Variants in GSE1 observed in about 807,000 individuals in gnomAD.
The protein encoded by GSE1 is genetic suppressor element 1.
A neutral mutation model predicts 112.6 loss-of-function variants in GSE1; 32 were observed. The observed-to-expected ratio is 0.28, with a 90% CI of 0.21 to 0.38. GSE1 has a LOEUF of 0.38. GSE1 is among the 10% of genes least tolerant of loss of function. GSE1 has a pLI of 1.00. For missense variants in GSE1, 2,348 were observed against 1,699.2 expected (o/e 1.38, Z -6.71); for synonymous variants, 1,115 against 735.6 (o/e 1.52, Z -8.35).
At chr16:85,171,819 T>C in intron 1 of GSE1, 3 of 983,656 alleles carry the variant, frequency 3.0e-6, no homozygotes, top group Non-Finnish European at 3.6e-6. Flanking sequence ...TAAGCAGCAG[T>C]TTTCATCTCA....
chr16:85,330,057 C>T (rs1055168431), intron 1 of GSE1, among the ~76,000 whole-genome samples: 11 of 152,078 alleles, frequency 7.2e-5, no homozygotes, highest in East Asian at 3.9e-4. Flanking sequence ...CCGAGGTGCA[C>T]GTGTTCTTCC....
chr16:85,409,679 C>CT lies in GSE1; in HGVS notation c.2464+52036_2464+52037insT, dbSNP rs1257481245. Among the ~76,000 whole-genome samples the CT allele has an allele frequency of 4.7e-4, 2 of 4,290 alleles. 1 individual carries two copies. Among genetic ancestry groups the CT allele is most frequent in the Admixed American group, 0.011 (2 of 176 alleles). The allele number at this position is 4,290 out of a possible 152,430, so 2.8% of individuals were successfully genotyped here. The stretch of plus-strand genomic sequence containing the variant: ...CCTCACCGTTACACTCAGGGCCCCC[C>CT]GGATAATCCTCACCGTTACACTCAG... On this transcript the variant is annotated intron_variant, in intron 2 of 2. Transcript: ENST00000637419.
chr16:85,669,841 C>G (rs576694748), intron 14 of GSE1, among the ~76,000 whole-genome samples: 1 of 152,332 alleles, frequency 6.6e-6, no homozygotes, highest in South Asian at 2.1e-4. Context: ...GTGTGGGGTG[C>G]CCTCTTCCCT....
chr16:85,436,253 G>T (rs957215591), intron 2 of GSE1, among the ~76,000 whole-genome samples: 2 of 152,212 alleles, frequency 1.3e-5, no homozygotes, highest in African/African-American at 4.8e-5. Flanking sequence ...GCCCGTGAAG[G>T]TATCAGAGCG....
intron 1 of GSE1, among the ~76,000 whole-genome samples, chr16:85,174,530 C>T (rs1195164141): frequency 2.6e-5 from 4 of 152,224 alleles, no homozygotes; most frequent in African/African-American, 9.6e-5. Context: ...GTCCTCCCTC[C>T]CCCTCCTTCC....
At chr16:85,331,661 ATGTGTGTG>A (rs1159802556) in intron 1 of GSE1, among the ~76,000 whole-genome samples, 1 of 85,344 alleles carries the variant, frequency 1.2e-5, no homozygotes, top group African/African-American at 4.7e-5. Flanking sequence ...ATATGTGTAT[ATGTGTGTG>A]TGTGTGTGTG....
chr16:85,248,327 C>T (rs1437094673), intron 1 of GSE1, among the ~76,000 whole-genome samples: 1 of 152,132 alleles, frequency 6.6e-6, no homozygotes, highest in Non-Finnish European at 1.5e-5. Flanking sequence ...CTTCTGTGTC[C>T]TGTGCTGCCA....
At chr16:85,545,637 A>G (rs1376728160) in intron 2 of GSE1, among the ~76,000 whole-genome samples, 1 of 152,234 alleles carries the variant, frequency 6.6e-6, no homozygotes. Flanking sequence ...TGGAGATAAT[A>G]ATAGACTTGC....
At chr16:85,417,636 T>A (rs1345722600) in intron 2 of GSE1, among the ~76,000 whole-genome samples, 1 of 152,200 alleles carries the variant, frequency 6.6e-6, no homozygotes, top group Non-Finnish European at 1.5e-5. Flanking sequence ...CTGCCAGATG[T>A]CCCTGGGTAT....
chr16:85,375,366 G>A (rs1480971318), intron 2 of GSE1, among the ~76,000 whole-genome samples: 1 of 152,188 alleles, frequency 6.6e-6, no homozygotes, highest in Non-Finnish European at 1.5e-5. Context: ...CAGATGAGCA[G>A]GACCGCAGCC....
At chr16:85,466,811 G>A (rs1597840989) in intron 2 of GSE1, among the ~76,000 whole-genome samples, 1 of 152,204 alleles carries the variant, frequency 6.6e-6, no homozygotes, top group African/African-American at 2.4e-5. Flanking sequence ...TGTAATCCCA[G>A]CACTTTGGGA....
intron 1 of GSE1, among the ~76,000 whole-genome samples, chr16:85,321,113 C>T (rs2046098351): frequency 6.6e-6 from 1 of 152,202 alleles, no homozygotes; most frequent in Admixed American, 6.5e-5. Context: ...GTCTGTGACA[C>T]CTCCAGGCAA....
intron 1 of GSE1, among the ~76,000 whole-genome samples, chr16:85,584,512 G>T (rs1457510558): frequency 6.6e-6 from 1 of 152,214 alleles, no homozygotes; most frequent in Non-Finnish European, 1.5e-5. Flanking sequence ...AGGTTTGGGA[G>T]ATCCAGGATG....
chr16:85,369,214 C>G (rs973489544), intron 2 of GSE1, among the ~76,000 whole-genome samples: 1 of 110,336 alleles, frequency 9.1e-6, no homozygotes, highest in East Asian at 3.0e-4. Context: ...ATTCTGACCT[C>G]TTGCTGCTGC....
chr16:85,423,620 C>T (rs547003994), intron 2 of GSE1, among the ~76,000 whole-genome samples: 31 of 146,298 alleles, frequency 2.1e-4, no homozygotes, highest in Non-Finnish European at 3.2e-4. Context: ...AAAGAGAATG[C>T]GCAGTGGGGT....
At chr16:85,440,957 G>T (rs2049361731) in intron 2 of GSE1, among the ~76,000 whole-genome samples, 1 of 152,194 alleles carries the variant, frequency 6.6e-6, no homozygotes. Flanking sequence ...ACTTGCCGGG[G>T]GTGGGCCTGA....
At chr16:85,344,808 G>A (rs1201290627) in intron 1 of GSE1, among the ~76,000 whole-genome samples, 1 of 152,254 alleles carries the variant, frequency 6.6e-6, no homozygotes, top group African/African-American at 2.4e-5. Flanking sequence ...TTCCCAGGCT[G>A]GAGAGAGAAG....
intron 2 of GSE1, among the ~76,000 whole-genome samples, chr16:85,395,619 G>T (rs908818717): frequency 5.9e-5 from 9 of 152,174 alleles, no homozygotes; most frequent in Admixed American, 2.0e-4. Context: ...AGCGGCTCCA[G>T]ACCTCCCTTT....
At chr16:85,359,765 C>T (rs545126031) in intron 2 of GSE1, among the ~76,000 whole-genome samples, 12 of 152,294 alleles carry the variant, frequency 7.9e-5, no homozygotes, top group Non-Finnish European at 1.0e-4. Context: ...GTCTGGCTCC[C>T]GCGCCGAACT....
Sources: allele counts gnomAD v4.1 joint callset (sites outside exome capture counted in the v4.1 genomes callset), GRCh38; gene constraint gnomAD v4.1.1; transcripts MANE v1.5; gene names NCBI Gene and HGNC (gene_info 2026-07-23, HGNC 2026-07-21).